PTPRG: variants seen among roughly 807,000 people sequenced by gnomAD.
The protein encoded by PTPRG is protein tyrosine phosphatase receptor type G, also known as receptor-type tyrosine-protein phosphatase gamma.
PTPRG carries 102 observed loss-of-function variants against 165.3 expected under a neutral mutation model. That is an observed-to-expected ratio of 0.62 (90% confidence interval 0.53 to 0.73). PTPRG has a LOEUF of 0.73. Among genes scored for constraint, PTPRG ranks in the 30% least tolerant of loss-of-function variants. PTPRG has a pLI of 0.00. For synonymous variants in PTPRG, 675 were observed against 669.5 expected (o/e 1.01, Z -0.13); for missense variants, 1,866 against 1,861.4 (o/e 1.00, Z -0.05).
At chr3:61,929,195 T>C (rs773312805) in intron 2 of PTPRG, among the ~76,000 whole-genome samples, 3 of 152,210 alleles carry the variant, frequency 2.0e-5, no homozygotes, top group Non-Finnish European at 4.4e-5. Flanking sequence ...ATTTAACACA[T>C]GCATAAAGCC....
intron 5 of PTPRG, among the ~76,000 whole-genome samples, chr3:62,110,009 G>T (rs1391636170): frequency 6.7e-6 from 1 of 149,876 alleles, no homozygotes; most frequent in East Asian, 2.0e-4. Context: ...CTAAATATCA[G>T]CCTTTGCACA....
intron 1 of PTPRG, among the ~76,000 whole-genome samples, chr3:61,605,904 G>A (rs1280273758): frequency 6.6e-6 from 1 of 152,186 alleles, no homozygotes; most frequent in Non-Finnish European, 1.5e-5. Context: ...CAGCTTGGCT[G>A]CCAGAACTAG....
In PTPRG at chr3:62,277,606, CG is replaced by C. The variant is rs781122814; in HGVS notation, c.3693del (p.Asp1233IlefsTer5). ...ACTCAGCATCCTCTGCCACATACTA[CG>C]AAAGATTTCTGGCGAATGATTTGGG... is the stretch of plus-strand genomic sequence containing the variant. ...IITQHPLPHT[T>X]KDFWRMIWDH... On this transcript the variant is annotated frameshift_variant, in exon 26 of 30. Transcript: ENST00000474889. LOFTEE classifies it high-confidence loss of function. The C allele has an allele frequency of 6.2e-7, 1 of 1,612,602 alleles. No homozygotes were observed. The highest frequency in any genetic ancestry group is 8.5e-7 in the Non-Finnish European group (1 of 1,179,260).
intron 2 of PTPRG, among the ~76,000 whole-genome samples, chr3:61,769,137 A>G (rs545620440): frequency 2.0e-5 from 3 of 152,200 alleles, no homozygotes; most frequent in Admixed American, 6.5e-5. Flanking sequence ...TACTAGAAAC[A>G]ATGACATTTG....
intron 5 of PTPRG, among the ~76,000 whole-genome samples, chr3:62,091,627 G>A (rs1454397074): frequency 6.6e-6 from 1 of 152,170 alleles, no homozygotes; most frequent in African/African-American, 2.4e-5. Context: ...GTGGCCCTAT[G>A]TATGCTGGAA....
intron 2 of PTPRG, among the ~76,000 whole-genome samples, chr3:61,969,738 T>C (rs1448529865): frequency 6.6e-6 from 1 of 152,112 alleles, no homozygotes; most frequent in South Asian, 2.1e-4. Flanking sequence ...TTGGCACCTA[T>C]CAGCTGCATA....
At chr3:62,036,755 C>G (rs866227900) in intron 4 of PTPRG, among the ~76,000 whole-genome samples, 20 of 152,178 alleles carry the variant, frequency 1.3e-4, no homozygotes, top group Non-Finnish European at 7.4e-5. Context: ...AAAGCCATAG[C>G]TAAGGTAATG....
chr3:62,136,286 G>A (rs1233515509), intron 6 of PTPRG, among the ~76,000 whole-genome samples: 3 of 152,178 alleles, frequency 2.0e-5, no homozygotes, highest in Non-Finnish European at 4.4e-5. Flanking sequence ...AATTAAGTAT[G>A]TAATGACATT....
chr3:62,061,157 T>A (rs1204860071), intron 4 of PTPRG, among the ~76,000 whole-genome samples: 1 of 152,216 alleles, frequency 6.6e-6, no homozygotes, highest in Non-Finnish European at 1.5e-5. Flanking sequence ...GAAATTAAGC[T>A]TTTGTCCTGG....
At chr3:62,250,044 A>C (rs1701375916) in intron 15 of PTPRG, among the ~76,000 whole-genome samples, 1 of 152,132 alleles carries the variant, frequency 6.6e-6, no homozygotes, top group African/African-American at 2.4e-5. Context: ...TAAATCATAG[A>C]TATGAAATGT....
intron 4 of PTPRG, among the ~76,000 whole-genome samples, chr3:62,053,416 G>A (rs1700529392): frequency 6.6e-6 from 1 of 151,854 alleles, no homozygotes; most frequent in Non-Finnish European, 1.5e-5. Context: ...ACAGGCGTCC[G>A]CCATCACACC....
rs35894531 is a variant in PTPRG, at chr3:62,010,370, TTGTG to T, written c.519+6897_519+6900del. Among the ~76,000 whole-genome samples the T allele has an allele frequency of 1.4e-3, 205 of 149,570 alleles. 1 individual carries two copies. Among genetic ancestry groups the T allele is most frequent in the African/African-American group, 3.7e-3 (149 of 40,504 alleles). On this transcript the variant is annotated intron_variant, in intron 4 of 29. Transcript: ENST00000474889. ...TTACATGGCCTCTGTCCCTCTCTTCTTGTGTGTGTGTGTGTGTGTGTGTGTGTAT... is the reference window on the plus strand; with the variant it reads ...TTACATGGCCTCTGTCCCTCTCTTCTTGTGTGTGTGTGTGTGTGTGTGTAT...
chr3:61,713,095 G>A (rs1386592216), intron 1 of PTPRG, among the ~76,000 whole-genome samples: 2 of 151,568 alleles, frequency 1.3e-5, no homozygotes, highest in Non-Finnish European at 2.9e-5. Flanking sequence ...TCTCCTAAAT[G>A]CATGTCTTTG....
chr3:61,563,596 C>G (rs1192240064), intron 1 of PTPRG, among the ~76,000 whole-genome samples: 3 of 152,306 alleles, frequency 2.0e-5, no homozygotes, highest in East Asian at 1.9e-4. Context: ...GAGAATTCCC[C>G]GTTTTTCTGC....
intron 1 of PTPRG, among the ~76,000 whole-genome samples, chr3:61,643,011 G>T (rs1337374426): frequency 6.6e-6 from 1 of 152,130 alleles, no homozygotes; most frequent in Non-Finnish European, 1.5e-5. Context: ...CAGAGGACAC[G>T]AAAACATGGT....
chr3:61,945,554 C>T (rs1298888424), intron 2 of PTPRG, among the ~76,000 whole-genome samples: 17 of 81,450 alleles, frequency 2.1e-4, no homozygotes, highest in Admixed American at 7.0e-4. Flanking sequence ...AATGAAACTC[C>T]GTCACCAAAA....
At chr3:61,982,590 T>C (rs1367700834) in intron 2 of PTPRG, among the ~76,000 whole-genome samples, 3 of 152,162 alleles carry the variant, frequency 2.0e-5, no homozygotes, top group Admixed American at 6.5e-5. Flanking sequence ...GCATCACTAA[T>C]CAGTCAACTC....
chr3:62,268,121 G>T (rs1425033522), intron 19 of PTPRG, among the ~76,000 whole-genome samples: 1 of 152,014 alleles, frequency 6.6e-6, no homozygotes, highest in Non-Finnish European at 1.5e-5. Context: ...CTTGAACAAT[G>T]ATTACGAGGA....
At chr3:62,085,504 A>G (rs959547239) in intron 5 of PTPRG, among the ~76,000 whole-genome samples, 3 of 152,200 alleles carry the variant, frequency 2.0e-5, no homozygotes, top group African/African-American at 7.2e-5. Context: ...AAATGCGTTT[A>G]TCTCACTAGG....
Sources: gnomAD v4.1 joint callset for allele counts (sites outside exome capture counted in the v4.1 genomes callset) on GRCh38, gnomAD v4.1.1 for gene constraint, MANE v1.5 for transcripts, NCBI Gene and HGNC (gene_info 2026-07-23, HGNC 2026-07-21) for gene names.